The following ACTR3C variants were observed in gnomAD, a reference collection of about 807,000 sequenced individuals.
The protein encoded by ACTR3C is actin related protein 3C.
In ACTR3C, 18 loss-of-function variants were observed where a neutral mutation model predicts 26.3. That is an observed-to-expected ratio of 0.68 (90% CI 0.47 to 1.01). The LOEUF is 1.01. ACTR3C is among the 50% of genes least tolerant of loss of function. The pLI is 0.00. For synonymous variants in ACTR3C, 55 were observed against 94.5 expected, an observed-to-expected ratio of 0.58 and a Z score of 2.42; for missense variants, 184 against 250.7, an observed-to-expected ratio of 0.73 and a Z score of 1.80.
the ACTR3C span, among the ~76,000 whole-genome samples, chr7:149,937,658 C>T: frequency 1.8e-4 from 27 of 152,040 alleles, no homozygotes; most frequent in African/African-American, 7.2e-5. Context: ...AAACAGGAAC[C>T]GAAGTACCTG....
the ACTR3C span, among the ~76,000 whole-genome samples, chr7:150,014,068 C>G: frequency 6.6e-6 from 1 of 152,160 alleles, no homozygotes; most frequent in Admixed American, 6.5e-5. Context: ...TCCCTTAGAA[C>G]AGGTAGTCAA....
Position 150,265,946 on chromosome 7 carries a change from C to T in ACTR3C, c.565-16892G>A, listed in dbSNP as rs1482390252. 9.2e-5 allele frequency among the ~76,000 whole-genome samples: 14 copies of T among 152,142 alleles called. No individual in the cohort carries two copies. In the East Asian group the frequency reaches 2.5e-3, roughly 27 times the overall value. ...TACTAAAACTGAGAACGTTCTTTTA[C>T]GTTACCACAGTACAACTGCCAACTT... On this transcript the variant is annotated intron_variant, in intron 6 of 7. Transcript: ENST00000683684.
chr7:150,041,937 G>T, the ACTR3C span, among the ~76,000 whole-genome samples: 1 of 148,534 alleles, frequency 6.7e-6, no homozygotes, highest in Non-Finnish European at 1.5e-5. Flanking sequence ...CTGGCTCTCA[G>T]TAATCCCACG....
the ACTR3C span, among the ~76,000 whole-genome samples, chr7:150,145,069 T>G: frequency 8.2e-5 from 12 of 146,762 alleles, no homozygotes; most frequent in Non-Finnish European, 1.5e-4. Flanking sequence ...AAAAAAAAGA[T>G]TCCCCCCCTT....
the ACTR3C span, among the ~76,000 whole-genome samples, chr7:149,979,871 T>G: frequency 1.3e-5 from 2 of 149,640 alleles, no homozygotes; most frequent in South Asian, 4.2e-4. Flanking sequence ...GCCTTTTGGA[T>G]GCTGGAGGAT....
chr7:150,213,366 G>A, the ACTR3C span, among the ~76,000 whole-genome samples: 4 of 152,102 alleles, frequency 2.6e-5, no homozygotes, highest in Admixed American at 2.0e-4. Context: ...GTGAGTCAGT[G>A]GCTGATCTAA....
the ACTR3C span, among the ~76,000 whole-genome samples, chr7:150,211,335 T>G: frequency 6.7e-6 from 1 of 149,582 alleles, no homozygotes; most frequent in Non-Finnish European, 1.5e-5. Flanking sequence ...CAGGCTGGAG[T>G]GCAGTGGCAC....
the ACTR3C span, among the ~76,000 whole-genome samples, chr7:150,080,032 A>G: frequency 6.6e-6 from 1 of 152,220 alleles, no homozygotes; most frequent in South Asian, 2.1e-4. Flanking sequence ...GAGACAAGTC[A>G]GCACGGCAAG....
the ACTR3C span, among the ~76,000 whole-genome samples, chr7:150,071,187 G>T: frequency 2.0e-5 from 3 of 151,262 alleles, no homozygotes; most frequent in Non-Finnish European, 2.9e-5. Flanking sequence ...ACAGTGGTGC[G>T]ATCTCAGCTC....
the ACTR3C span, among the ~76,000 whole-genome samples, chr7:150,150,743 G>A: frequency 2.4e-3 from 334 of 138,230 alleles, 21 homozygotes; most frequent in African/African-American, 8.0e-3. Flanking sequence ...TATCTGCTTT[G>A]TTCTTCCTCT....
At chr7:150,152,978 G>T in the ACTR3C span, among the ~76,000 whole-genome samples, 3 of 152,072 alleles carry the variant, frequency 2.0e-5, no homozygotes, top group African/African-American at 7.2e-5. Flanking sequence ...TGGGGTCAGT[G>T]GTGATATCCC....
At chr7:150,248,821 A>G in intron 7 of ACTR3C, 127 bp downstream of exon 7, 3 of 433,546 alleles carry the variant, frequency 6.9e-6, no homozygotes, top group Non-Finnish European at 1.2e-5. Flanking sequence ...ACCTGCAAAG[A>G]ATTTTAGAAT....
At chr7:150,300,306 C>T (rs1196609439) in intron 1 of ACTR3C, among the ~76,000 whole-genome samples, 4 of 151,722 alleles carry the variant, frequency 2.6e-5, no homozygotes, top group South Asian at 4.2e-4. Flanking sequence ...GAGCTGAGAT[C>T]GTGCCACTGC....
chr7:150,112,666 G>A, the ACTR3C span, among the ~76,000 whole-genome samples: 17 of 152,282 alleles, frequency 1.1e-4, no homozygotes, highest in East Asian at 1.7e-3. Context: ...GGAAAAAAAG[G>A]AGGAGGACAG....
At chr7:150,275,890 C>A (rs1834835741) in intron 6 of ACTR3C, among the ~76,000 whole-genome samples, 2 of 152,160 alleles carry the variant, frequency 1.3e-5, no homozygotes, top group African/African-American at 4.8e-5. Flanking sequence ...CTCCTCCCTT[C>A]AACCCCGTCT....
At chr7:150,212,804 A>C in the ACTR3C span, among the ~76,000 whole-genome samples, 1 of 152,070 alleles carries the variant, frequency 6.6e-6, no homozygotes, top group Non-Finnish European at 1.5e-5. Context: ...GGAGAAGATG[A>C]ACCACAAAAC....
At chr7:150,208,308 T>G in the ACTR3C span, among the ~76,000 whole-genome samples, 1 of 152,136 alleles carries the variant, frequency 6.6e-6, no homozygotes, top group African/African-American at 2.4e-5. Flanking sequence ...AAGAGAGCTT[T>G]GGAGATCTGC....
At chr7:150,023,215 C>G in the ACTR3C span, among the ~76,000 whole-genome samples, 2 of 144,116 alleles carry the variant, frequency 1.4e-5, no homozygotes, top group African/African-American at 5.1e-5. Flanking sequence ...ATCTCTATAT[C>G]TCTATATAGA....
the ACTR3C span, among the ~76,000 whole-genome samples, chr7:150,091,881 G>A: frequency 1.7e-4 from 25 of 148,972 alleles, no homozygotes; most frequent in Admixed American, 1.2e-3. Context: ...CCAGCTACTC[G>A]GGAGGCTGAG....
Sources: gnomAD v4.1 joint callset for allele counts (sites outside exome capture counted in the v4.1 genomes callset) on GRCh38, gnomAD v4.1.1 for gene constraint, MANE v1.5 for transcripts, NCBI Gene and HGNC (gene_info 2026-07-23, HGNC 2026-07-21) for gene names.